Variants in PRKAG2 observed in about 807,000 individuals in gnomAD.
PRKAG2 encodes the protein protein kinase AMP-activated non-catalytic subunit gamma 2.
Under a neutral mutation model 69.6 loss-of-function variants are expected in PRKAG2, and 26 were observed. The observed-to-expected ratio is 0.37, with a 90% CI of 0.27 to 0.52. The LOEUF (loss-of-function observed/expected upper bound fraction) is 0.52, where lower values mean the gene tolerates loss of function less well. Ranked by LOEUF, PRKAG2 falls within the 20% of genes least tolerant of loss-of-function variation. PRKAG2 has a pLI of 0.90. For missense variants in PRKAG2, 557 were observed against 740.0 expected (o/e 0.75, Z 2.87); for synonymous variants, 293 against 285.0 (o/e 1.03, Z -0.28).
intron 13 of PRKAG2, 148 bp downstream of exon 13, chr7:151,565,198 G>A: frequency 1.7e-6 from 1 of 584,762 alleles, no homozygotes; most frequent in Non-Finnish European, 2.7e-6. Flanking sequence ...AATTACTATA[G>A]AAGGTCTATA....
chr7:151,596,641 C>T (rs1814602512), intron 5 of PRKAG2, among the ~76,000 whole-genome samples: 1 of 152,074 alleles, frequency 6.6e-6, no homozygotes, highest in Admixed American at 6.6e-5. Context: ...CCCAGCTTCT[C>T]AGGAGGCTGA....
chr7:151,863,903 CAAA>C (rs60123822), intron 1 of PRKAG2, among the ~76,000 whole-genome samples: 37 of 143,806 alleles, frequency 2.6e-4, no homozygotes, highest in Admixed American at 2.1e-4. Context: ...AACCCTGTCT[CAAA>C]AAAAAAAAAA....
At chr7:151,584,514 A>T (rs879841948) in intron 6 of PRKAG2, among the ~76,000 whole-genome samples, 4 of 152,228 alleles carry the variant, frequency 2.6e-5, no homozygotes, top group Non-Finnish European at 5.9e-5. Context: ...GAAAAGAAAA[A>T]TTGAAAAAAC....
At chr7:151,601,548 C>T (rs1366488057) in intron 5 of PRKAG2, among the ~76,000 whole-genome samples, 2 of 152,112 alleles carry the variant, frequency 1.3e-5, no homozygotes, top group African/African-American at 4.8e-5. Context: ...GTTATACCTT[C>T]GTGACCCTGG....
At chr7:151,571,360 A>T (rs1441976795) in intron 9 of PRKAG2, among the ~76,000 whole-genome samples, 1 of 152,058 alleles carries the variant, frequency 6.6e-6, no homozygotes, top group Non-Finnish European at 1.5e-5. Flanking sequence ...GGCGTGAGCT[A>T]CTGCGCCTGG....
intron 6 of PRKAG2, among the ~76,000 whole-genome samples, chr7:151,578,596 C>T (rs372418622): frequency 1.1e-4 from 16 of 152,142 alleles, no homozygotes; most frequent in Non-Finnish European, 1.5e-4. Flanking sequence ...TATTTTAACC[C>T]GTCCAGCGCT....
At chr7:151,829,896 G>A (rs570897135) in intron 1 of PRKAG2, among the ~76,000 whole-genome samples, 2 of 151,958 alleles carry the variant, frequency 1.3e-5, no homozygotes, top group African/African-American at 4.8e-5. Flanking sequence ...TACAGCCTGC[G>A]CAGCTGCCAG....
chr7:151,764,771 A>G (rs917817418), intron 3 of PRKAG2, among the ~76,000 whole-genome samples: 1 of 152,224 alleles, frequency 6.6e-6, no homozygotes, highest in African/African-American at 2.4e-5. Context: ...GTTTGGTCCC[A>G]GGACGTGGGG....
At chr7:151,659,564 G>T (rs193271055) in intron 4 of PRKAG2, among the ~76,000 whole-genome samples, 2 of 152,338 alleles carry the variant, frequency 1.3e-5, no homozygotes, top group East Asian at 3.9e-4. Flanking sequence ...CGGGCAGACA[G>T]ATGCGTGTGA....
chr7:151,875,080 G>A (rs2080353684), intron 1 of PRKAG2, among the ~76,000 whole-genome samples: 1 of 152,208 alleles, frequency 6.6e-6, no homozygotes, highest in South Asian at 2.1e-4. Context: ...CACGAACATG[G>A]TTTTAAATGT....
chr7:151,872,394 T>C (rs1051350048), intron 1 of PRKAG2, among the ~76,000 whole-genome samples: 7 of 152,242 alleles, frequency 4.6e-5, no homozygotes, highest in African/African-American at 1.4e-4. Flanking sequence ...GAATGCTGTT[T>C]TCTTTACCTT....
intron 3 of PRKAG2, among the ~76,000 whole-genome samples, chr7:151,738,591 A>G (rs2073636949): frequency 6.6e-6 from 1 of 152,288 alleles, no homozygotes; most frequent in African/African-American, 2.4e-5. Flanking sequence ...AGCCACAAAC[A>G]ATAGCATGAG....
intron 15 of PRKAG2, chr7:151,557,976 T>C (rs2888787): frequency 0.63 from 620,925 of 981,864 alleles, 200,739 homozygotes; most frequent in East Asian, 0.71. Flanking sequence ...CCACAGTGGA[T>C]TGGCAGGGAG....
intron 1 of PRKAG2, among the ~76,000 whole-genome samples, chr7:151,854,404 A>T (rs1486170504): frequency 6.6e-6 from 1 of 152,228 alleles, no homozygotes; most frequent in Non-Finnish European, 1.5e-5. Context: ...GAGGGTGGAC[A>T]GCTCCTCCAC....
chr7:151,665,803 G>T (rs759482759), intron 4 of PRKAG2, among the ~76,000 whole-genome samples: 1 of 152,186 alleles, frequency 6.6e-6, no homozygotes, highest in African/African-American at 2.4e-5. Context: ...GAGCAAAGTG[G>T]TGCATATAAA....
intron 6 of PRKAG2, among the ~76,000 whole-genome samples, chr7:151,585,580 C>T (rs1427429785): frequency 6.6e-6 from 1 of 152,210 alleles, no homozygotes; most frequent in East Asian, 1.9e-4. Context: ...CACATGCTCT[C>T]ATCTCTTCTG....
chr7:151,638,707 T>G lies in PRKAG2; in HGVS notation c.685-6569A>C, dbSNP rs975561525. On this transcript the variant is annotated intron_variant, in intron 4 of 15. Coordinates refer to ENST00000287878, the MANE Select transcript of PRKAG2 (RefSeq NM_016203.4). This position sits in a 1 kb window ranked among gnomAD's most constrained non-coding sequence, Gnocchi z 4.3. Reference sequence around the variant, plus strand: ...GTGCAGCAAAACACTGTATTTTGAATGACTATCAGAAGGGAAAACTTCAGC... The same window carrying G: ...GTGCAGCAAAACACTGTATTTTGAAGGACTATCAGAAGGGAAAACTTCAGC... 1.3e-5 allele frequency among the ~76,000 whole-genome samples: 2 copies of G among 152,144 alleles called. No homozygotes were observed. The highest frequency in any genetic ancestry group is 4.8e-5 in the African/African-American group (2 of 41,420).
intron 6 of PRKAG2, among the ~76,000 whole-genome samples, chr7:151,579,128 G>A (rs1489619001): frequency 6.6e-6 from 1 of 152,168 alleles, no homozygotes; most frequent in African/African-American, 2.4e-5. Context: ...GGGCTCAAGT[G>A]ATTCTCCCAC....
rs1563722626 is a variant in PRKAG2, at chr7:151,814,719, T to C, written c.115-28178A>G. ...CGCAACAAGCGGCTGGCAGACAGCATGGGCTGGCCTAAGACAGCGCAGGCA... is the reference window on the plus strand; with the variant it reads ...CGCAACAAGCGGCTGGCAGACAGCACGGGCTGGCCTAAGACAGCGCAGGCA... On this transcript the variant is annotated intron_variant, in intron 1 of 15. Coordinates refer to ENST00000287878, the MANE Select transcript of PRKAG2 (RefSeq NM_016203.4). The surrounding 1 kb of genome is among the most constrained non-coding windows in gnomAD (Gnocchi z 4.8). 20 of 1,231,730 alleles carry C rather than the reference T, an allele frequency of 1.6e-5. No homozygotes were observed. Among genetic ancestry groups the C allele is most frequent in the Non-Finnish European group, 2.0e-5 (20 of 987,966 alleles). 76.3% of individuals were successfully genotyped at this position (1,231,730 alleles called of 1,614,324 possible). A position where few individuals can be genotyped will look rare whatever the true frequency, so the allele number is the denominator to read the frequency against.
Sources: gnomAD v4.1 joint callset for allele counts (sites outside exome capture counted in the v4.1 genomes callset) on GRCh38, gnomAD v4.1.1 for gene constraint, Gnocchi (gnomAD v3.1) non-coding constraint, MANE v1.5 for transcripts, NCBI Gene and HGNC (gene_info 2026-07-23, HGNC 2026-07-21) for gene names.